PCDHGA2: variants seen among roughly 807,000 people sequenced by gnomAD.
PCDHGA2 encodes the protein protocadherin gamma subfamily A, 2.
PCDHGA2 carries 40 observed loss-of-function variants against 59.2 expected under a neutral mutation model. The ratio of observed to expected loss-of-function variants is 0.68; its 90% confidence interval spans 0.52 to 0.88. The LOEUF (loss-of-function observed/expected upper bound fraction) is 0.88, where lower values mean the gene tolerates loss of function less well. PCDHGA2 is among the 40% of genes least tolerant of loss of function. The probability of loss-of-function intolerance (pLI) is 0.00; values close to 1 mark genes in which losing one functional copy is unlikely to be tolerated. For synonymous variants in PCDHGA2, 560 were observed against 526.0 expected, an observed-to-expected ratio of 1.06 and a Z score of -0.89; for missense variants, 1,226 against 1,204.0, an observed-to-expected ratio of 1.02 and a Z score of -0.27.
chr5:141,494,705 G>C, intron 1 of PCDHGA2, 102 bp from the exon 2 acceptor site: 1 of 1,597,990 alleles, frequency 6.3e-7, no homozygotes, highest in Non-Finnish European at 8.6e-7. Flanking sequence ...TTTCTTCTCT[G>C]TGCCCACTCC....
At chr5:141,380,974 A>C (rs1008958709) in intron 1 of PCDHGA2, among the ~76,000 whole-genome samples, 4 of 152,262 alleles carry the variant, frequency 2.6e-5, no homozygotes, top group African/African-American at 9.6e-5. Context: ...TATTAAACAA[A>C]TAGAATTTAA....
intron 1 of PCDHGA2, chr5:141,405,019 T>C (rs2094597771): frequency 6.2e-7 from 1 of 1,613,860 alleles, no homozygotes; most frequent in African/African-American, 1.3e-5. Flanking sequence ...CCTCAGACCT[T>C]ACCCTCTACC....
chr5:141,492,037 C>A (rs556842734), intron 1 of PCDHGA2: 94 of 538,798 alleles, frequency 1.7e-4, no homozygotes, highest in Non-Finnish European at 2.5e-4. Flanking sequence ...AGGAGGCAGT[C>A]ACAGATCCAC....
At position 141,351,956 on chromosome 5, in the gene PCDHGA2, G is replaced by T. The variant is rs970182422; in HGVS notation, c.2424+10561G>T. 10 of 1,612,876 alleles carry T rather than the reference G, an allele frequency of 6.2e-6. No homozygotes were observed. The East Asian group carries it at 2.0e-4, about 32-fold the overall frequency. Reference sequence around the variant, plus strand: ...GGTGCTGTACCCCGCGCTGGGGCCTGATGGCTCCGCCCTCTTCGATATGGT... The same window carrying T: ...GGTGCTGTACCCCGCGCTGGGGCCTTATGGCTCCGCCCTCTTCGATATGGT... On this transcript the variant is annotated intron_variant, in intron 1 of 3. Coordinates refer to ENST00000394576, the MANE Select transcript of PCDHGA2 (RefSeq NM_018915.4).
At chr5:141,362,644 T>G in intron 1 of PCDHGA2, 2 of 1,454,150 alleles carry the variant, frequency 1.4e-6, no homozygotes, top group Non-Finnish European at 1.8e-6. Flanking sequence ...TCTTTGTCTG[T>G]GAGTTAGATT....
In PCDHGA2 at chr5:141,365,839, C is replaced by A. The variant is rs1212060265; in HGVS notation, c.2424+24444C>A. ...CATTTCAGGGGGCGCCCTTGTCCTC[C>A]TATGTATCCATTAACTCTGACACCG... On this transcript the variant is annotated intron_variant, in intron 1 of 3. Transcript: ENST00000394576. The A allele has an allele frequency of 1.9e-6, 3 of 1,613,840 alleles. No homozygotes were observed. The African/African-American group carries it at 4.0e-5, about 22-fold the overall frequency.
At chr5:141,352,340 T>C (rs763704470) in intron 1 of PCDHGA2, 21 of 1,613,958 alleles carry the variant, frequency 1.3e-5, no homozygotes, top group Non-Finnish European at 1.7e-5. Context: ...GGCCTTGGCC[T>C]TGATCTCAGT....
At chr5:141,468,324 C>T (rs1301315098) in intron 1 of PCDHGA2, 1 of 127,722 alleles carries the variant, frequency 7.8e-6, no homozygotes, top group Non-Finnish European at 1.6e-5. Context: ...ACGGTAAACT[C>T]CATCTCAAAA....
chr5:141,408,431 G>A, intron 1 of PCDHGA2: 1 of 1,614,064 alleles, frequency 6.2e-7, no homozygotes. Flanking sequence ...GCACTTCAGC[G>A]TAGACGCGGA....
chr5:141,345,165 C>A (rs865822045), intron 1 of PCDHGA2: 1 of 1,613,962 alleles, frequency 6.2e-7, no homozygotes. Context: ...AGATTCTGGG[C>A]AGAATGGGCA....
At position 141,493,906 on chromosome 5, in the gene PCDHGA2, G is replaced by A. The variant is rs2099750764; in HGVS notation, c.2425-901G>A. ...CTCTAGGAGTGCTCCATGAGAGTGT[G>A]TGATGGGATAACACACCCCCTGGAA... is the stretch of plus-strand genomic sequence containing the variant. On this transcript the variant is annotated intron_variant, in intron 1 of 3. Transcript: ENST00000394576. The surrounding 1 kb of genome is among the most constrained non-coding windows in gnomAD (Gnocchi z 4.3). Among the ~76,000 whole-genome samples the A allele has an allele frequency of 6.6e-6, 1 of 152,200 alleles. No individual in the cohort carries two copies. Among genetic ancestry groups the A allele is most frequent in the Non-Finnish European group, 1.5e-5 (1 of 68,032 alleles).
chr5:141,341,774 C>T (rs1295431577), intron 1 of PCDHGA2: 1 of 353,654 alleles, frequency 2.8e-6, no homozygotes, highest in African/African-American at 2.1e-5. Flanking sequence ...TTACTCAAGT[C>T]CTTTCTTCTT....
chr5:141,359,322 A>G (rs1761174908), intron 1 of PCDHGA2, among the ~76,000 whole-genome samples: 1 of 152,154 alleles, frequency 6.6e-6, no homozygotes, highest in Non-Finnish European at 1.5e-5. Flanking sequence ...GGCATTAGGA[A>G]TATATTCCAG....
At chr5:141,371,131 T>C (rs746254566) in intron 1 of PCDHGA2, 1 of 1,614,004 alleles carries the variant, frequency 6.2e-7, no homozygotes, top group South Asian at 1.1e-5. Flanking sequence ...ACTCAGGACA[T>C]GTACAGGGTC....
At chr5:141,428,146 C>T (rs549173211) in intron 1 of PCDHGA2, 15 of 1,589,346 alleles carry the variant, frequency 9.4e-6, no homozygotes, top group East Asian at 2.2e-5. Context: ...GGGCTGCACA[C>T]GGGAACCTGC....
At chr5:141,364,185 C>G (rs2149854630) in intron 1 of PCDHGA2, 1 of 992,250 alleles carries the variant, frequency 1.0e-6, no homozygotes, top group East Asian at 2.8e-5. Flanking sequence ...TCCCTCCATA[C>G]TAAACACACA....
intron 1 of PCDHGA2, chr5:141,352,398 G>T (rs1212224200): frequency 6.2e-7 from 1 of 1,613,996 alleles, no homozygotes; most frequent in East Asian, 2.2e-5. Context: ...CGCCTGCGAC[G>T]TTCCTCCAGC....
intron 1 of PCDHGA2, among the ~76,000 whole-genome samples, chr5:141,455,146 A>G (rs2098814943): frequency 6.7e-6 from 1 of 149,242 alleles, no homozygotes; most frequent in South Asian, 2.1e-4. Flanking sequence ...TGTTAAATAA[A>G]TATTAGTTTG....
intron 1 of PCDHGA2, chr5:141,370,391 C>A (rs1766857480): frequency 1.9e-6 from 3 of 1,542,934 alleles, no homozygotes; most frequent in African/African-American, 1.4e-5. Context: ...GCGCAGAGAG[C>A]GGGATGGGAA....
Sources: allele counts gnomAD v4.1 joint callset (sites outside exome capture counted in the v4.1 genomes callset), GRCh38; gene constraint gnomAD v4.1.1; non-coding constraint Gnocchi (gnomAD v3.1); transcripts MANE v1.5; gene names NCBI Gene and HGNC (gene_info 2026-07-23, HGNC 2026-07-21).